UST: variants seen among roughly 807,000 people sequenced by gnomAD.
The protein encoded by UST is uronyl 2-sulfotransferase.
UST carries 21 observed loss-of-function variants against 45.6 expected under a neutral mutation model. The observed-to-expected ratio is 0.46, with a 90% CI of 0.33 to 0.66. The LOEUF is 0.66. Ranked by LOEUF, UST falls within the 30% of genes least tolerant of loss-of-function variation. The pLI is 0.02. For missense variants in UST, 463 were observed against 512.4 expected (o/e 0.90, Z 0.93); for synonymous variants, 215 against 200.6 (o/e 1.07, Z -0.61).
chr6:149,048,396 T>C (rs6932773), intron 7 of UST, among the ~76,000 whole-genome samples: 53,747 of 151,512 alleles, frequency 0.35, 10,006 homozygotes, highest in African/African-American at 0.42. Flanking sequence ...ATCAGCTGGG[T>C]GTGGTGGCGG....
In UST at chr6:148,966,178, C is replaced by T. The variant is rs190001095; in HGVS notation, c.681+1615C>T. On this transcript the variant is annotated intron_variant, in intron 5 of 7. Coordinates refer to ENST00000367463, the MANE Select transcript of UST (RefSeq NM_005715.3). ...GGCAGAGGTTGCAGTGAGCCAAGAT[C>T]GTGCTACTGCACTCCAGCCTAGGTG... 7.3e-5 allele frequency among the ~76,000 whole-genome samples: 11 copies of T among 151,718 alleles called. No homozygotes were observed. The East Asian group carries it at 1.5e-3, about 21-fold the overall frequency.
chr6:148,825,938 A>C (rs934257683), intron 1 of UST, among the ~76,000 whole-genome samples: 3 of 152,164 alleles, frequency 2.0e-5, no homozygotes, highest in African/African-American at 7.2e-5. Flanking sequence ...GGGGTGTTGC[A>C]GGAATAGGGT....
chr6:148,887,963 A>C (rs2114845071), intron 2 of UST, among the ~76,000 whole-genome samples: 1 of 152,370 alleles, frequency 6.6e-6, no homozygotes, highest in South Asian at 2.1e-4. Context: ...CACGGTGAGA[A>C]GATAATGAAC....
chr6:149,027,430 TG>T (rs2115023128), intron 7 of UST, among the ~76,000 whole-genome samples: 1 of 152,330 alleles, frequency 6.6e-6, no homozygotes, highest in African/African-American at 2.4e-5. Context: ...AGTTTTCAAG[TG>T]GATGGTCTTT....
intron 1 of UST, among the ~76,000 whole-genome samples, chr6:148,883,046 A>G (rs753839944): frequency 2.0e-5 from 3 of 152,224 alleles, no homozygotes; most frequent in Non-Finnish European, 2.9e-5. Context: ...CGCGCATCTC[A>G]ATTTTGAGGT....
chr6:148,817,425 T>C (rs1195676042), intron 1 of UST, among the ~76,000 whole-genome samples: 2 of 152,226 alleles, frequency 1.3e-5, no homozygotes, highest in African/African-American at 4.8e-5. Context: ...GCCCACAGGA[T>C]GTCCTGAGAA....
chr6:148,893,224 G>T (rs1017877478), intron 2 of UST, among the ~76,000 whole-genome samples: 3 of 152,120 alleles, frequency 2.0e-5, no homozygotes, highest in African/African-American at 7.2e-5. Context: ...TTGTAAAATG[G>T]GTTCATTAGA....
intron 1 of UST, among the ~76,000 whole-genome samples, chr6:148,812,472 G>A (rs1313368196): frequency 6.6e-6 from 1 of 152,174 alleles, no homozygotes; most frequent in Non-Finnish European, 1.5e-5. Context: ...GTTTCTGGGG[G>A]TCAGGAATCC....
intron 7 of UST, among the ~76,000 whole-genome samples, chr6:149,029,331 A>C (rs1776100462): frequency 6.8e-6 from 1 of 147,534 alleles, no homozygotes; most frequent in Non-Finnish European, 1.5e-5. Flanking sequence ...TATAATGTAT[A>C]TATTGTACGT....
intron 3 of UST, 65 bp from the exon 4 acceptor site, chr6:148,953,807 C>T (rs956684333): frequency 1.1e-6 from 1 of 887,904 alleles, no homozygotes. Context: ...GGATACATAA[C>T]CTTTAACTTA....
At chr6:148,819,700 T>G (rs1777419438) in intron 1 of UST, among the ~76,000 whole-genome samples, 1 of 152,242 alleles carries the variant, frequency 6.6e-6, no homozygotes, top group Non-Finnish European at 1.5e-5. Flanking sequence ...TATGTATCAC[T>G]AATAACTTAT....
intron 4 of UST, among the ~76,000 whole-genome samples, chr6:148,957,461 G>T (rs1383622397): frequency 6.6e-6 from 1 of 151,858 alleles, no homozygotes; most frequent in African/African-American, 2.4e-5. Flanking sequence ...ACTTTTTTTT[G>T]AGATGGAGTC....
chr6:148,827,548 G>A (rs983536421), intron 1 of UST, among the ~76,000 whole-genome samples: 5 of 151,752 alleles, frequency 3.3e-5, no homozygotes, highest in Admixed American at 2.6e-4. Flanking sequence ...TCCAGGAGGT[G>A]GAGATTGCAA....
chr6:148,993,951 C>A (rs1226390245), intron 5 of UST, among the ~76,000 whole-genome samples: 3 of 106,156 alleles, frequency 2.8e-5, no homozygotes, highest in South Asian at 6.3e-4. Context: ...TTGAATATTT[C>A]TTTCCTTTTT....
At chr6:148,968,353 A>G (rs989803903) in intron 5 of UST, among the ~76,000 whole-genome samples, 17 of 152,200 alleles carry the variant, frequency 1.1e-4, no homozygotes, top group African/African-American at 4.1e-4. Context: ...CTGGAAAATC[A>G]TTTTTAAATA....
At chr6:148,853,515 T>A (rs1778146334) in intron 1 of UST, among the ~76,000 whole-genome samples, 1 of 152,232 alleles carries the variant, frequency 6.6e-6, no homozygotes, top group Admixed American at 6.5e-5. Context: ...TTTCTGGTTC[T>A]AGGTCTCTGA....
intron 1 of UST, among the ~76,000 whole-genome samples, chr6:148,776,260 T>C (rs1401448980): frequency 2.0e-5 from 3 of 152,216 alleles, no homozygotes; most frequent in African/African-American, 7.2e-5. Context: ...AGGAGCACTT[T>C]CTGGTTCTCA....
intron 1 of UST, among the ~76,000 whole-genome samples, chr6:148,765,255 G>T (rs1239369604): frequency 1.3e-5 from 2 of 152,110 alleles, no homozygotes; most frequent in African/African-American, 4.8e-5. Context: ...TGCCAACTTT[G>T]TTTACGATCA....
intron 1 of UST, among the ~76,000 whole-genome samples, chr6:148,789,899 A>G (rs1017045283): frequency 6.6e-6 from 1 of 152,128 alleles, no homozygotes; most frequent in African/African-American, 2.4e-5. Flanking sequence ...TGCCTGGCCA[A>G]AAATATTTTC....
Sources: gnomAD v4.1 joint callset for allele counts (sites outside exome capture counted in the v4.1 genomes callset) on GRCh38, gnomAD v4.1.1 for gene constraint, MANE v1.5 for transcripts, NCBI Gene and HGNC (gene_info 2026-07-23, HGNC 2026-07-21) for gene names.